Variants in NELL1 observed in about 807,000 individuals in gnomAD.
The protein encoded by NELL1 is protein kinase C-binding protein NELL1.
Under a neutral mutation model 107.4 loss-of-function variants are expected in NELL1, and 76 were observed. The observed-to-expected ratio is 0.71, with a 90% CI of 0.59 to 0.86. NELL1 has a LOEUF of 0.86. Ranked by LOEUF, NELL1 falls within the 40% of genes least tolerant of loss-of-function variation. The probability of loss-of-function intolerance (pLI) is 0.00; values close to 1 mark genes in which losing one functional copy is unlikely to be tolerated. For missense variants in NELL1, 1,024 were observed against 1,005.5 expected (o/e 1.02, Z -0.25); for synonymous variants, 353 against 341.2 (o/e 1.03, Z -0.38).
chr11:21,575,326 G>A lies in NELL1; in HGVS notation c.*304G>A. The A allele has an allele frequency of 3.6e-6, 1 of 275,922 alleles. No homozygotes were observed. Among genetic ancestry groups the A allele is most frequent in the Non-Finnish European group, 6.9e-6 (1 of 144,262 alleles). The allele number at this position is 275,922 out of a possible 1,614,324, so 17.1% of individuals were successfully genotyped here. On this transcript the variant is annotated 3_prime_UTR_variant, in exon 20 of 20. Coordinates refer to ENST00000357134, the MANE Select transcript of NELL1 (RefSeq NM_006157.5). ...AGATCATTTGCAAATACATTTAAAT[G>A]ATCTCATGGTAAATGTTGATGTATT...
chr11:21,499,428 A>G (rs1213393748), intron 15 of NELL1, among the ~76,000 whole-genome samples: 3 of 152,116 alleles, frequency 2.0e-5, no homozygotes, highest in African/African-American at 7.2e-5. Flanking sequence ...TCATGCATCA[A>G]TAACACATTA....
intron 14 of NELL1, among the ~76,000 whole-genome samples, chr11:21,240,214 A>G (rs1442260158): frequency 1.3e-5 from 2 of 152,066 alleles, no homozygotes; most frequent in Middle Eastern, 3.2e-3. Flanking sequence ...TGAACTGTTC[A>G]TATTGTTTGT....
chr11:21,220,818 G>A (rs535415699), intron 13 of NELL1, among the ~76,000 whole-genome samples: 1 of 152,132 alleles, frequency 6.6e-6, no homozygotes, highest in African/African-American at 2.4e-5. Context: ...TCTGCAAAGA[G>A]GGCAATTTGA....
At chr11:21,020,738 A>T (rs1358914692) in intron 12 of NELL1, among the ~76,000 whole-genome samples, 1 of 151,932 alleles carries the variant, frequency 6.6e-6, no homozygotes, top group East Asian at 1.9e-4. Flanking sequence ...TTCTGCCTGG[A>T]TACATAGATT....
At chr11:20,989,958 C>G (rs955784519) in intron 12 of NELL1, among the ~76,000 whole-genome samples, 1 of 150,582 alleles carries the variant, frequency 6.6e-6, no homozygotes, top group African/African-American at 2.5e-5. Flanking sequence ...GATCGCGCCA[C>G]TGCACTCCAG....
chr11:20,674,918 A>G (rs954159557), intron 1 of NELL1, among the ~76,000 whole-genome samples: 4 of 152,192 alleles, frequency 2.6e-5, no homozygotes, highest in African/African-American at 9.7e-5. Flanking sequence ...TGTCATAATA[A>G]TTTTGTATAA....
At chr11:21,460,015 C>G (rs1289517845) in intron 15 of NELL1, among the ~76,000 whole-genome samples, 2 of 152,008 alleles carry the variant, frequency 1.3e-5, no homozygotes, top group African/African-American at 2.4e-5. Context: ...CTTATCTAAC[C>G]TCATAGACAA....
At chr11:21,203,430 C>CTTTTTTTTTTTTTTT (rs35689054) in intron 13 of NELL1, among the ~76,000 whole-genome samples, 1 of 101,314 alleles carries the variant, frequency 9.9e-6, no homozygotes, top group Admixed American at 1.0e-4. Context: ...GCAACCCTTG[C>CTTTTTTTTTTTTTTT]TTTTTTTTTT....
chr11:21,561,313 C>T (rs527392194), intron 17 of NELL1, among the ~76,000 whole-genome samples: 4 of 152,162 alleles, frequency 2.6e-5, no homozygotes, highest in South Asian at 4.1e-4. Flanking sequence ...CATCCACAGA[C>T]CTGGGGCCAC....
chr11:21,239,779 C>A (rs1277172885), intron 14 of NELL1, among the ~76,000 whole-genome samples: 5 of 151,908 alleles, frequency 3.3e-5, no homozygotes, highest in African/African-American at 7.3e-5. Flanking sequence ...TCAAGTGAAC[C>A]AAGATAGATG....
At chr11:21,135,385 A>G (rs1193168528) in intron 13 of NELL1, among the ~76,000 whole-genome samples, 1 of 152,206 alleles carries the variant, frequency 6.6e-6, no homozygotes, top group Admixed American at 6.5e-5. Flanking sequence ...TGTCTGGTGC[A>G]GTACAGATAC....
chr11:20,947,717 G>T (rs1435748551), intron 11 of NELL1, among the ~76,000 whole-genome samples: 1 of 152,148 alleles, frequency 6.6e-6, no homozygotes, highest in Admixed American at 6.5e-5. Flanking sequence ...TTCAATAAAT[G>T]ATAGTTCCTA....
intron 12 of NELL1, among the ~76,000 whole-genome samples, chr11:20,989,996 CAA>C (rs35612589): frequency 9.6e-5 from 11 of 114,806 alleles, no homozygotes; most frequent in Non-Finnish European, 1.1e-4. Flanking sequence ...GACTCCGTCT[CAA>C]AAAAAAAAAA....
chr11:21,392,322 T>C (rs1851897366), intron 15 of NELL1, among the ~76,000 whole-genome samples: 1 of 151,846 alleles, frequency 6.6e-6, no homozygotes, highest in Admixed American at 6.6e-5. Flanking sequence ...TCAGAGATAC[T>C]TGATGCCACC....
At chr11:21,416,003 A>C (rs1314245328) in intron 15 of NELL1, among the ~76,000 whole-genome samples, 1 of 152,038 alleles carries the variant, frequency 6.6e-6, no homozygotes, top group Non-Finnish European at 1.5e-5. Flanking sequence ...CCTGCAAAGA[A>C]ATGATGTCTC....
chr11:21,145,112 A>G (rs941472316), intron 13 of NELL1, among the ~76,000 whole-genome samples: 1 of 152,298 alleles, frequency 6.6e-6, no homozygotes, highest in African/African-American at 2.4e-5. Flanking sequence ...CTATATAGCT[A>G]TATGTGTTGT....
intron 14 of NELL1, among the ~76,000 whole-genome samples, chr11:21,291,755 T>C (rs865816327): frequency 6.6e-6 from 1 of 152,046 alleles, no homozygotes; most frequent in Non-Finnish European, 1.5e-5. Flanking sequence ...ATCCCTGGGA[T>C]GCAAGCCTGG....
chr11:20,923,190 G>A (rs887064766), intron 7 of NELL1, among the ~76,000 whole-genome samples: 1 of 152,090 alleles, frequency 6.6e-6, no homozygotes, highest in African/African-American at 2.4e-5. Context: ...AAGCTAGAGA[G>A]GAATTGGTAG....
At chr11:21,140,681 A>G (rs754851229) in intron 13 of NELL1, among the ~76,000 whole-genome samples, 2 of 152,188 alleles carry the variant, frequency 1.3e-5, no homozygotes, top group Admixed American at 6.5e-5. Flanking sequence ...TATCATAAAA[A>G]AGAGAAATGG....
Sources: gnomAD v4.1 joint callset for allele counts (sites outside exome capture counted in the v4.1 genomes callset) on GRCh38, gnomAD v4.1.1 for gene constraint, MANE v1.5 for transcripts, NCBI Gene and HGNC (gene_info 2026-07-23, HGNC 2026-07-21) for gene names.